AFF1: variants seen among roughly 807,000 people sequenced by gnomAD.
AFF1 encodes ALF transcription elongation factor 1, also known as AF4/FMR2 family member 1.
AFF1 carries 48 observed loss-of-function variants against 121.7 expected under a neutral mutation model. The observed-to-expected ratio is 0.39, with a 90% confidence interval of 0.31 to 0.50. The LOEUF is 0.50. AFF1 is among the 20% of genes least tolerant of loss of function. The pLI is 0.76. For missense variants in AFF1, 1,523 were observed against 1,511.7 expected, an observed-to-expected ratio of 1.01 and a Z score of -0.12; for synonymous variants, 613 against 563.0, an observed-to-expected ratio of 1.09 and a Z score of -1.26.
chr4:87,019,220 A>G (rs901155823), intron 2 of AFF1, among the ~76,000 whole-genome samples: 1 of 152,196 alleles, frequency 6.6e-6, no homozygotes, highest in Non-Finnish European at 1.5e-5. Flanking sequence ...TTTAAGTACC[A>G]GTGATATTAT....
At chr4:87,011,549 A>G (rs946033822) in intron 2 of AFF1, among the ~76,000 whole-genome samples, 3 of 152,230 alleles carry the variant, frequency 2.0e-5, no homozygotes, top group Non-Finnish European at 2.9e-5. Context: ...AATGCAAAGC[A>G]GCTTTGATTA....
intron 2 of AFF1, chr4:86,974,090 G>C (rs546424783): frequency 6.6e-6 from 1 of 152,108 alleles, no homozygotes; most frequent in Non-Finnish European, 1.5e-5. Context: ...TTTTCTTTTG[G>C]GGCCCTTTGG....
At chr4:87,097,817 AT>A (rs901075588) in intron 8 of AFF1, among the ~76,000 whole-genome samples, 4 of 152,144 alleles carry the variant, frequency 2.6e-5, no homozygotes, top group Non-Finnish European at 4.4e-5. Context: ...TTTAATGGAG[AT>A]TAGAAGAAAG....
intron 2 of AFF1, among the ~76,000 whole-genome samples, chr4:87,022,606 A>G (rs776405811): frequency 0.35 from 29,736 of 83,844 alleles, 6,173 homozygotes; most frequent in South Asian, 0.48. Context: ...ATCTGTGTGT[A>G]TATATATCTG....
At chr4:87,089,928 C>A in intron 5 of AFF1, 56 bp from the exon 6 acceptor site, 1 of 1,273,658 alleles carries the variant, frequency 7.9e-7, no homozygotes, top group Non-Finnish European at 1.1e-6. Context: ...TGTTAAGTAG[C>A]AATGAATGTT....
In AFF1 at chr4:86,941,604, A is replaced by G. The variant is rs533526942; in HGVS notation, c.-37+6364A>G. Among the ~76,000 whole-genome samples, 151 of 152,258 alleles carry G rather than the reference A, an allele frequency of 9.9e-4. 1 individual carries two copies. The highest frequency in any genetic ancestry group is 3.5e-3 in the African/African-American group (145 of 41,554). On this transcript the variant is annotated intron_variant, in intron 1 of 20. Coordinates refer to ENST00000395146, the MANE Select transcript of AFF1 (RefSeq NM_001166693.3). ...GGGGTGGAGGTTGCAGTGAGCCAAGATTGTGCCATTGCACTCCAGCGTGGG... is the reference window on the plus strand; with the variant it reads ...GGGGTGGAGGTTGCAGTGAGCCAAGGTTGTGCCATTGCACTCCAGCGTGGG...
chr4:87,105,707 C>T (rs1578259186), intron 9 of AFF1, 25 bp downstream of exon 9: 1 of 1,613,986 alleles, frequency 6.2e-7, no homozygotes, highest in East Asian at 2.2e-5. Flanking sequence ...GCCTGTAATA[C>T]CAGGAGTCCT....
intron 4 of AFF1, among the ~76,000 whole-genome samples, chr4:87,063,217 T>A (rs1720959054): frequency 6.8e-6 from 1 of 146,868 alleles, no homozygotes; most frequent in Non-Finnish European, 1.5e-5. Context: ...ATAAGCATAG[T>A]AGATTCACCT....
At chr4:87,019,670 G>A (rs564728873) in intron 2 of AFF1, among the ~76,000 whole-genome samples, 1 of 152,208 alleles carries the variant, frequency 6.6e-6, no homozygotes, top group Non-Finnish European at 1.5e-5. Context: ...GGGCATGGAA[G>A]CACCACGCCC....
Position 87,115,370 on chromosome 4 carries a change from C to T in AFF1, c.2466+71C>T, listed in dbSNP as rs575807239. On this transcript the variant is annotated intron_variant, in intron 12 of 20. Coordinates refer to ENST00000395146, the MANE Select transcript of AFF1 (RefSeq NM_001166693.3). ...CTGTTGGCCTGGCGGTATCTTTGAT[C>T]GGCCTTTGATTTAGGCCCAGTTGAG... The T allele has an allele frequency of 8.2e-5, 116 of 1,412,906 alleles. 1 individual carries two copies. In the South Asian group the frequency reaches 1.1e-3, roughly 13 times the overall value. 87.5% of individuals were successfully genotyped at this position (1,412,906 alleles called of 1,614,324 possible).
intron 2 of AFF1, chr4:87,007,020 C>T (rs1578044073): frequency 8.8e-7 from 1 of 1,140,036 alleles, no homozygotes; most frequent in Non-Finnish European, 1.1e-6. Context: ...CTGTGGCCCG[C>T]GTTGTGCTGT....
At chr4:87,079,354 G>T (rs1219680873) in intron 4 of AFF1, among the ~76,000 whole-genome samples, 1 of 152,206 alleles carries the variant, frequency 6.6e-6, no homozygotes, top group Non-Finnish European at 1.5e-5. Flanking sequence ...TGGTATCAGT[G>T]CGTTTCCTTA....
chr4:87,073,280 C>CAAAAAAA lies in AFF1; in HGVS notation c.1060-10812_1060-10806dup, dbSNP rs55821662. On this transcript the variant is annotated intron_variant, in intron 4 of 20. Coordinates refer to ENST00000395146, the MANE Select transcript of AFF1 (RefSeq NM_001166693.3). ...ATTGCTCATTACCCAGCATTAAAGC[C>CAAAAAAA]AAAAAAAAAAAAAAAAAAAAAAAAA... Among the ~76,000 whole-genome samples, 41 of 83,674 alleles carry CAAAAAAA rather than the reference C, an allele frequency of 4.9e-4. 1 individual carries two copies. Among genetic ancestry groups the CAAAAAAA allele is most frequent in the African/African-American group, 1.9e-3 (37 of 19,148 alleles). 54.9% of individuals were successfully genotyped at this position (83,674 alleles called of 152,430 possible). A position where few individuals can be genotyped will look rare whatever the true frequency, so the allele number is the denominator to read the frequency against.
intron 2 of AFF1, among the ~76,000 whole-genome samples, chr4:87,024,362 T>C (rs1221562866): frequency 6.6e-6 from 1 of 152,134 alleles, no homozygotes; most frequent in African/African-American, 2.4e-5. Flanking sequence ...ACATGGTATG[T>C]GTAAAATTCC....
At chr4:86,953,984 T>A (rs977075079) in intron 2 of AFF1, among the ~76,000 whole-genome samples, 1 of 152,174 alleles carries the variant, frequency 6.6e-6, no homozygotes, top group Non-Finnish European at 1.5e-5. Flanking sequence ...GTGCTGGGAT[T>A]ACAGGCGTGA....
At chr4:87,016,520 C>G (rs574497292) in intron 2 of AFF1, among the ~76,000 whole-genome samples, 1 of 151,186 alleles carries the variant, frequency 6.6e-6, no homozygotes, top group Non-Finnish European at 1.5e-5. Context: ...CCACTGCACT[C>G]CAGCCTGGGT....
rs1553918034 is a variant in AFF1, at chr4:87,019,888, G to GGTT, written c.39-26277_39-26276insTTG. ...GTGACTGGTGTCTGAAGGGGTCGGG[G>GGTT]GGGGGCAGTCTTGGGGACTGAGCCC... On this transcript the variant is annotated intron_variant, in intron 2 of 20. Transcript: ENST00000395146. Among the ~76,000 whole-genome samples, 12 of 41,378 alleles carry GGTT rather than the reference G, an allele frequency of 2.9e-4. 1 individual carries two copies. The highest frequency in any genetic ancestry group is 9.4e-4 in the Non-Finnish European group (11 of 11,682). The allele number at this position is 41,378 out of a possible 152,430, so 27.1% of individuals were successfully genotyped here.
chr4:86,988,030 G>T (rs1266790772), intron 2 of AFF1, among the ~76,000 whole-genome samples: 1 of 136,952 alleles, frequency 7.3e-6, no homozygotes, highest in African/African-American at 2.8e-5. Context: ...TTCTGATTCA[G>T]TAGTTCTTTT....
chr4:87,063,785 C>G (rs1721058538), intron 4 of AFF1, among the ~76,000 whole-genome samples: 1 of 152,124 alleles, frequency 6.6e-6, no homozygotes, highest in African/African-American at 2.4e-5. Context: ...GATATACCAC[C>G]TTTCCTTGAC....
Sources: allele counts gnomAD v4.1 joint callset (sites outside exome capture counted in the v4.1 genomes callset), GRCh38; gene constraint gnomAD v4.1.1; transcripts MANE v1.5; gene names NCBI Gene and HGNC (gene_info 2026-07-23, HGNC 2026-07-21).